EFCAB13: variants seen among roughly 807,000 people sequenced by gnomAD.
EFCAB13 encodes the protein EF-hand calcium-binding domain-containing protein 13.
Under a neutral mutation model 110.2 loss-of-function variants are expected in EFCAB13, and 91 were observed. That is an observed-to-expected ratio of 0.83 (90% CI 0.70 to 0.98). The LOEUF (loss-of-function observed/expected upper bound fraction) is 0.98, where lower values mean the gene tolerates loss of function less well. EFCAB13 is among the 50% of genes least tolerant of loss of function. EFCAB13 has a pLI of 0.00. For synonymous variants in EFCAB13, 323 were observed against 369.9 expected, an observed-to-expected ratio of 0.87 and a Z score of 1.45; for missense variants, 968 against 1,119.4, an observed-to-expected ratio of 0.86 and a Z score of 1.93.
At position 47,325,923 on chromosome 17, in the gene EFCAB13, A is replaced by T. The variant is rs7214116; in HGVS notation, c.-247-303A>T. On this transcript the variant is annotated intron_variant, in intron 2 of 24. Coordinates refer to ENST00000331493, the MANE Select transcript of EFCAB13 (RefSeq NM_152347.5). ...GCAGATTTTATATATATATAAACAAAATATATATATATATATATATATATA... is the reference window on the plus strand; with the variant it reads ...GCAGATTTTATATATATATAAACAATATATATATATATATATATATATATA... Among the ~76,000 whole-genome samples the T allele has an allele frequency of 2.2e-3, 228 of 102,534 alleles. 1 individual carries two copies. Among genetic ancestry groups the T allele is most frequent in the African/African-American group, 8.3e-3 (215 of 26,060 alleles). The allele number at this position is 102,534 out of a possible 152,430, so 67.3% of individuals were successfully genotyped here. A position where few individuals can be genotyped will look rare whatever the true frequency, so the allele number is the denominator to read the frequency against.
chr17:47,370,337 C>A, intron 10 of EFCAB13, 100 bp from the exon 11 acceptor site: 1 of 825,912 alleles, frequency 1.2e-6, no homozygotes, highest in Non-Finnish European at 2.0e-6. Flanking sequence ...CTCTTTGTTC[C>A]TACTTGCCAC....
chr17:47,414,761 AGCTAACTATT>A (rs1904375724), intron 22 of EFCAB13, 77 bp from the exon 23 acceptor site: 1 of 819,090 alleles, frequency 1.2e-6, no homozygotes, highest in Admixed American at 2.7e-5. Flanking sequence ...GTGAAATTTT[AGCTAACTATT>A]GTAAATCGGT....
chr17:47,434,433 G>A (rs1905174887), intron 24 of EFCAB13, among the ~76,000 whole-genome samples: 1 of 152,028 alleles, frequency 6.6e-6, no homozygotes, highest in African/African-American at 2.4e-5. Context: ...AAATGGTCAT[G>A]GATGTGTGGA....
chr17:47,401,063 A>G (rs1391433930), intron 17 of EFCAB13, among the ~76,000 whole-genome samples: 1 of 152,218 alleles, frequency 6.6e-6, no homozygotes, highest in Admixed American at 6.5e-5. Context: ...GAGCCTTTAC[A>G]GTTAGTGATA....
intron 19 of EFCAB13, 25 bp downstream of exon 19, chr17:47,404,046 A>C (rs1269194648): frequency 1.3e-6 from 2 of 1,554,048 alleles, no homozygotes; most frequent in Non-Finnish European, 1.7e-6. Context: ...TATTACTCTC[A>C]GGTTTTTTTT....
intron 23 of EFCAB13, among the ~76,000 whole-genome samples, chr17:47,422,073 T>G (rs1179724681): frequency 6.6e-6 from 1 of 152,132 alleles, no homozygotes; most frequent in Non-Finnish European, 1.5e-5. Flanking sequence ...TCAAATGAAA[T>G]CTAGTGATAT....
chr17:47,383,510 T>C (rs1452847190), intron 14 of EFCAB13, among the ~76,000 whole-genome samples: 2 of 152,228 alleles, frequency 1.3e-5, no homozygotes, highest in Non-Finnish European at 2.9e-5. Context: ...AAGTAACTTA[T>C]TTATTTCTGC....
chr17:47,374,921 C>T lies in EFCAB13; in HGVS notation c.1327C>T (p.Gln443Ter), dbSNP rs2081913292. Residue 443 changes from glutamine to a stop codon, truncating the protein, a stop_gained, in exon 12 of 25, where the codon CAA becomes TAA. Coordinates refer to ENST00000331493, the MANE Select transcript of EFCAB13 (RefSeq NM_152347.5). LOFTEE classifies it high-confidence loss of function. ...AGCTGTAAGAAAGCATTCCAGTCTC[C>T]AAAAACAGGTTTCGTCTACGGAAAA... The part of the protein sequence containing the change: ...KPAVRKHSSL[Q>*]KQVSSTEKTA... 3.8e-6 allele frequency: 6 copies of T among 1,593,462 alleles called. No homozygotes were observed. Among genetic ancestry groups the T allele is most frequent in the African/African-American group, 2.7e-5 (2 of 73,532 alleles).
chr17:47,380,913 C>G (rs940831333), intron 14 of EFCAB13, among the ~76,000 whole-genome samples: 1 of 137,720 alleles, frequency 7.3e-6, no homozygotes, highest in African/African-American at 2.7e-5. Context: ...GACAAAGTCT[C>G]ACTCTGTCAC....
In EFCAB13 at chr17:47,431,296, T is replaced by TA. The variant is rs1422578560; in HGVS notation, c.2638+1337dup. On this transcript the variant is annotated intron_variant, in intron 24 of 24. Coordinates refer to ENST00000331493, the MANE Select transcript of EFCAB13 (RefSeq NM_152347.5). This position sits in a 1 kb window ranked among gnomAD's most constrained non-coding sequence, Gnocchi z 4.1. ...CATCTATTTTTTCTTTGTTTTTTTT[T>TA]AACTCTTTTTTTTCCTTTTTTCAGT... is the stretch of plus-strand genomic sequence containing the variant. Among the ~76,000 whole-genome samples, 1 of 152,010 alleles carries TA rather than the reference T, an allele frequency of 6.6e-6. No individual in the cohort carries two copies. Among genetic ancestry groups the TA allele is most frequent in the Non-Finnish European group, 1.5e-5 (1 of 67,964 alleles).
At chr17:47,419,879 G>A (rs942810603) in intron 23 of EFCAB13, among the ~76,000 whole-genome samples, 1 of 151,568 alleles carries the variant, frequency 6.6e-6, no homozygotes, top group East Asian at 1.9e-4. Context: ...AAAAAACAAA[G>A]TTCACTACCA....
intron 9 of EFCAB13, among the ~76,000 whole-genome samples, chr17:47,351,302 TGTGC>T (rs1287077920): frequency 3.9e-5 from 4 of 101,694 alleles, no homozygotes; most frequent in East Asian, 4.6e-4. Flanking sequence ...TGTGTGTGTG[TGTGC>T]GCGCGCGCGC....
intron 23 of EFCAB13, among the ~76,000 whole-genome samples, chr17:47,423,873 T>G (rs941561162): frequency 6.6e-6 from 1 of 151,984 alleles, no homozygotes; most frequent in Admixed American, 6.6e-5. Flanking sequence ...TACCTGCTAC[T>G]GCCGCCGCCC....
At chr17:47,422,185 G>A (rs937265159) in intron 23 of EFCAB13, among the ~76,000 whole-genome samples, 2 of 152,094 alleles carry the variant, frequency 1.3e-5, no homozygotes, top group South Asian at 2.1e-4. Flanking sequence ...CAAAATAAAG[G>A]AGGAAGAAAA....
intron 23 of EFCAB13, among the ~76,000 whole-genome samples, chr17:47,416,417 C>A (rs1904447126): frequency 6.6e-6 from 1 of 151,934 alleles, no homozygotes; most frequent in South Asian, 2.1e-4. Flanking sequence ...ACAGCATATG[C>A]TTTCTTTCTC....
At chr17:47,348,699 A>C (rs1567783930) in intron 9 of EFCAB13, among the ~76,000 whole-genome samples, 1 of 152,136 alleles carries the variant, frequency 6.6e-6, no homozygotes, top group Admixed American at 6.5e-5. Flanking sequence ...GAATGATTAA[A>C]TAATGTTGAA....
chr17:47,400,196 T>C (rs1374900841), intron 17 of EFCAB13, among the ~76,000 whole-genome samples: 1 of 152,236 alleles, frequency 6.6e-6, no homozygotes, highest in Non-Finnish European at 1.5e-5. Flanking sequence ...ACTCTGAACT[T>C]ATCTTCATGA....
At chr17:47,328,201 GTAGGTAAA>G in intron 3 of EFCAB13, 60 bp from the exon 4 acceptor site, 1 of 735,640 alleles carries the variant, frequency 1.4e-6, no homozygotes, top group South Asian at 1.6e-5. Context: ...ATAACTTCAG[GTAGGTAAA>G]TATAATTGCT....
In EFCAB13 at chr17:47,346,435, C is replaced by G. The variant is rs966904360; in HGVS notation, c.517+1337C>G. Among the ~76,000 whole-genome samples, 6 of 104,224 alleles carry G rather than the reference C, an allele frequency of 5.8e-5. 1 individual carries two copies. The highest frequency in any genetic ancestry group is 2.0e-4 in the African/African-American group (6 of 29,532). The allele number at this position is 104,224 out of a possible 152,430, so 68.4% of individuals were successfully genotyped here. Reference sequence around the variant, plus strand: ...GTCATATGTATATAACGTACTTTACCCCCCCCCCCATTTATCTGACATTTA... The same window carrying G: ...GTCATATGTATATAACGTACTTTACGCCCCCCCCCATTTATCTGACATTTA... On this transcript the variant is annotated intron_variant, in intron 8 of 24. Coordinates refer to ENST00000331493, the MANE Select transcript of EFCAB13 (RefSeq NM_152347.5).
Sources: allele counts gnomAD v4.1 joint callset (sites outside exome capture counted in the v4.1 genomes callset), GRCh38; gene constraint gnomAD v4.1.1; non-coding constraint Gnocchi (gnomAD v3.1); transcripts MANE v1.5; gene names NCBI Gene and HGNC (gene_info 2026-07-23, HGNC 2026-07-21).